TCEANC2: variants seen among roughly 807,000 people sequenced by gnomAD.
TCEANC2 encodes the protein transcription elongation factor A N-terminal and central domain containing 2, also known as transcription elongation factor A N-terminal and central domain-containing protein 2.
In TCEANC2, 20 loss-of-function variants were observed where a neutral mutation model predicts 22.8. The ratio of observed to expected loss-of-function variants is 0.88; its 90% CI spans 0.62 to 1.28. The LOEUF is 1.28. Among genes scored for constraint, TCEANC2 ranks in the 50% most tolerant of loss-of-function variants. The pLI is 0.00. For synonymous variants in TCEANC2, 84 were observed against 95.5 expected (o/e 0.88, Z 0.70); for missense variants, 251 against 249.7 (o/e 1.01, Z -0.03).
intron 4 of TCEANC2, among the ~76,000 whole-genome samples, chr1:54,094,323 T>G (rs1299114244): frequency 6.6e-6 from 1 of 152,208 alleles, no homozygotes; most frequent in Non-Finnish European, 1.5e-5. Context: ...GACATTTTAT[T>G]AAATGTCAGG....
intron 2 of TCEANC2, among the ~76,000 whole-genome samples, chr1:54,056,989 C>G (rs1466286552): frequency 2.6e-5 from 4 of 151,258 alleles, no homozygotes; most frequent in Non-Finnish European, 4.4e-5. Flanking sequence ...TTGCAGTGAG[C>G]CAGGATGGTA....
At chr1:54,084,869 G>T (rs1268162880) in intron 3 of TCEANC2, among the ~76,000 whole-genome samples, 2 of 152,150 alleles carry the variant, frequency 1.3e-5, no homozygotes, top group Non-Finnish European at 2.9e-5. Context: ...GTGACCAAGA[G>T]CATAAAATCT....
In TCEANC2 at chr1:54,088,725, GAT is replaced by G; in HGVS notation, c.374_375del (p.Asp125AlafsTer28). 6.2e-7 allele frequency: 1 copy of G among 1,606,724 alleles called. No homozygotes were observed. Among genetic ancestry groups the G allele is most frequent in the East Asian group, 2.2e-5 (1 of 44,580 alleles). On this transcript the variant is annotated frameshift_variant, in exon 4 of 5. Coordinates refer to ENST00000234827, the MANE Select transcript of TCEANC2 (RefSeq NM_153035.3). LOFTEE classifies it high-confidence loss of function. ...SNRPSIEVRS[D>X]PKTESLRKNA... ...TAGACCTTCTATTGAAGTTAGAAGT[GAT>G]CCCAAAACCGAGTCGTTGAGGAAAA...
chr1:54,088,874 G>A (rs1174408696), intron 4 of TCEANC2, 84 bp downstream of exon 4: 9 of 1,007,208 alleles, frequency 8.9e-6, no homozygotes, highest in Non-Finnish European at 1.2e-5. Flanking sequence ...TGTCCTGGTC[G>A]GATGTGATTA....
rs1658586329 is a variant in TCEANC2 at position 54,097,780 on chromosome 1, T to C, written c.*1307T>C. The C allele has an allele frequency of 6.6e-6, 1 of 152,182 alleles. No homozygotes were observed. The highest frequency in any genetic ancestry group is 2.4e-5 in the African/African-American group (1 of 41,438). 9.4% of individuals were successfully genotyped at this position (152,182 alleles called of 1,614,324 possible). A position where few individuals can be genotyped will look rare whatever the true frequency, so the allele number is the denominator to read the frequency against. On this transcript the variant is annotated 3_prime_UTR_variant, in exon 5 of 5. Transcript: ENST00000234827. ...GGGGTAGGTGTATACTGAGCAGTAG[T>C]TACAAATGGGAGCCTGAGGCTCACT...
chr1:54,067,646 G>C (rs184731509), intron 2 of TCEANC2, among the ~76,000 whole-genome samples: 105 of 152,356 alleles, frequency 6.9e-4, no homozygotes, highest in Non-Finnish European at 2.1e-4. Flanking sequence ...AAGTTGGAGT[G>C]AGAGGGAAAT....
At chr1:54,080,960 A>G (rs111315106) in intron 3 of TCEANC2, among the ~76,000 whole-genome samples, 280 of 152,332 alleles carry the variant, frequency 1.8e-3, no homozygotes, top group Non-Finnish European at 2.9e-3. Context: ...ATGGAGCCTC[A>G]TCTTTTTCAT....
chr1:54,081,667 T>C (rs1658247832), intron 3 of TCEANC2, among the ~76,000 whole-genome samples: 1 of 137,510 alleles, frequency 7.3e-6, no homozygotes, highest in Non-Finnish European at 1.7e-5. Context: ...CTGAATTGCC[T>C]TTTTGCTGTT....
In TCEANC2 at chr1:54,105,295, C is replaced by G. The variant is rs1213252900; in HGVS notation, c.*8822C>G. Reference sequence around the variant, plus strand: ...AGCTGTCAGCCCCCTGGGAATTTTCCTCAATGGAAGAGTTACCTCACTGAC... The same window carrying G: ...AGCTGTCAGCCCCCTGGGAATTTTCGTCAATGGAAGAGTTACCTCACTGAC... On this transcript the variant is annotated 3_prime_UTR_variant, in exon 5 of 5. Transcript: ENST00000234827. 6.6e-6 allele frequency: 1 copy of G among 152,284 alleles called. No individual in the cohort carries two copies. The highest frequency in any genetic ancestry group is 1.5e-5 in the Non-Finnish European group (1 of 68,136). The allele number at this position is 152,284 out of a possible 1,614,324, so 9.4% of individuals were successfully genotyped here.
chr1:54,088,624 A>C lies in TCEANC2; in HGVS notation c.272A>C (p.His91Pro), dbSNP rs1448844156. The C allele has an allele frequency of 5.0e-6, 8 of 1,603,882 alleles. No individual in the cohort carries two copies. Among genetic ancestry groups the C allele is most frequent in the South Asian group, 1.1e-5 (1 of 88,992 alleles). ...IGHTVNKMRK[H>P]SDSEVASLAR... ...CACACTGTGAACAAGATGCGTAAAC[A>C]CTCAGATTCAGAAGTGGCTTCTCTT... is the stretch of plus-strand genomic sequence containing the variant. Residue 91 changes from histidine to proline, a missense_variant, in exon 4 of 5, where the codon CAC becomes CCC. Coordinates refer to ENST00000234827, the MANE Select transcript of TCEANC2 (RefSeq NM_153035.3).
At chr1:54,108,114 G>C (rs1019463056), downstream of TCEANC2, among the ~76,000 whole-genome samples, 2 of 152,076 alleles carry the variant, frequency 1.3e-5, no homozygotes, top group Non-Finnish European at 2.9e-5. Context: ...AACCCCAAAG[G>C]GTTCGCCTTC....
intron 3 of TCEANC2, among the ~76,000 whole-genome samples, chr1:54,082,435 AAT>A (rs1229669904): frequency 6.6e-6 from 1 of 152,230 alleles, no homozygotes; most frequent in African/African-American, 2.4e-5. Context: ...TAACTGATTC[AAT>A]TCAGCAAACA....
At chr1:54,065,639 GC>G (rs1557687270) in intron 2 of TCEANC2, among the ~76,000 whole-genome samples, 1 of 152,062 alleles carries the variant, frequency 6.6e-6, no homozygotes, top group Non-Finnish European at 1.5e-5. Context: ...GACCACTTGA[GC>G]CCAGGAGATC....
chr1:54,104,540 A>T lies in TCEANC2; in HGVS notation c.*8067A>T, dbSNP rs962611529. ...AGACTTCTTGGTATTCCTTTGCCCAATTTTTTTTTCTTTTTCTTTTTCAGA... is the reference window on the plus strand; with the variant it reads ...AGACTTCTTGGTATTCCTTTGCCCATTTTTTTTTTCTTTTTCTTTTTCAGA... On this transcript the variant is annotated 3_prime_UTR_variant, in exon 5 of 5. Transcript: ENST00000234827. 2.0e-5 allele frequency: 9 copies of T among 443,098 alleles called. No homozygotes were observed. The highest frequency in any genetic ancestry group is 4.8e-5 in the Admixed American group (2 of 41,318). The allele number at this position is 443,098 out of a possible 1,614,324, so 27.4% of individuals were successfully genotyped here.
chr1:54,108,903 C>T (rs542751740), downstream of TCEANC2, among the ~76,000 whole-genome samples: 150 of 152,038 alleles, frequency 9.9e-4, no homozygotes, highest in Non-Finnish European at 1.4e-3. Flanking sequence ...ACCCGGGTGG[C>T]GGGGCTTGCA....
At chr1:54,087,829 G>A (rs1458568236) in intron 3 of TCEANC2, among the ~76,000 whole-genome samples, 1 of 152,180 alleles carries the variant, frequency 6.6e-6, no homozygotes, top group Non-Finnish European at 1.5e-5. Context: ...CCTGTAGAAT[G>A]TCCCACATTC....
chr1:54,069,684 G>A (rs895249829), intron 3 of TCEANC2, among the ~76,000 whole-genome samples: 5 of 152,048 alleles, frequency 3.3e-5, no homozygotes, highest in Admixed American at 3.3e-4. Context: ...AATATTGTAG[G>A]TGTAAATAAA....
At position 54,073,585 on chromosome 1, in the gene TCEANC2, C is replaced by T. The variant is rs1292076888; in HGVS notation, c.244+4688C>T. Among the ~76,000 whole-genome samples the T allele has an allele frequency of 4.6e-5, 7 of 152,186 alleles. No homozygotes were observed. In the East Asian group the frequency reaches 1.3e-3, roughly 29 times the overall value. On this transcript the variant is annotated intron_variant, in intron 3 of 4. Coordinates refer to ENST00000234827, the MANE Select transcript of TCEANC2 (RefSeq NM_153035.3). ...TTTTATCCAGGATCTAGTAATACTG[C>T]AGTGAAAGAGTAGCTTTAGTCCGCC...
intron 2 of TCEANC2, among the ~76,000 whole-genome samples, chr1:54,067,894 C>T (rs1313830477): frequency 1.3e-5 from 2 of 152,296 alleles, no homozygotes; most frequent in Non-Finnish European, 2.9e-5. Context: ...CTGTGCCCAC[C>T]TCCCTCAGAT....
Sources: allele counts gnomAD v4.1 joint callset (sites outside exome capture counted in the v4.1 genomes callset), GRCh38; gene constraint gnomAD v4.1.1; transcripts MANE v1.5; gene names NCBI Gene and HGNC (gene_info 2026-07-23, HGNC 2026-07-21).